Variants in WDFY1 observed in about 807,000 individuals in gnomAD.
WDFY1 encodes WD repeat and FYVE domain-containing protein 1.
A neutral mutation model predicts 56.4 loss-of-function variants in WDFY1; 32 were observed. That is an observed-to-expected ratio of 0.57 (90% CI 0.43 to 0.76). The LOEUF (loss-of-function observed/expected upper bound fraction) is 0.76. Among genes scored for constraint, WDFY1 ranks in the 30% least tolerant of loss-of-function variants. The pLI is 0.00. For synonymous variants in WDFY1, 192 were observed against 197.3 expected, an observed-to-expected ratio of 0.97 and a Z score of 0.23; for missense variants, 480 against 545.7, an observed-to-expected ratio of 0.88 and a Z score of 1.20.
intron 1 of WDFY1, among the ~76,000 whole-genome samples, chr2:223,936,590 C>T (rs1694172124): frequency 6.6e-6 from 1 of 152,120 alleles, no homozygotes; most frequent in African/African-American, 2.4e-5. Flanking sequence ...AAAGAGTTCC[C>T]ACAGCAGGCC....
chr2:223,901,411 A>C lies in WDFY1; in HGVS notation c.335-78T>G, dbSNP rs1574766042. 14 of 1,539,888 alleles carry C rather than the reference A, an allele frequency of 9.1e-6. No homozygotes were observed. In the East Asian group the frequency reaches 1.6e-4, roughly 18 times the overall value. ...GGGAAGAACTGAGGCTCAACCTCTC[A>C]ATCTGCTCAGCCAGGGCACAGCTGT... On this transcript the variant is annotated intron_variant, in intron 4 of 11. Transcript: ENST00000233055.
In WDFY1 at chr2:223,945,163, G is replaced by A. The variant is rs1418934920; in HGVS notation, c.122C>T (p.Thr41Met). 2.5e-6 allele frequency: 4 copies of A among 1,595,894 alleles called. No homozygotes were observed. The highest frequency in any genetic ancestry group is 2.3e-5 in the East Asian group (1 of 43,148). ...LLIPKEDGVI[T>M]ASEDRTIRVW... The stretch of plus-strand genomic sequence containing the variant: ...CGGGCCCTACCTGTCCTCGCTGGCC[G>A]TGATCACGCCGTCCTCCTTGGGGAT... The change falls in exon 1 of 12, where the codon ACG (threonine) becomes ATG (methionine). Residue 41 changes from threonine (T) to methionine (M), a missense_variant. Physicochemically the swap from Thr to Met is moderately conservative, Grantham distance 81. Transcript: ENST00000233055.
At chr2:223,934,034 C>T (rs1694126141) in intron 1 of WDFY1, among the ~76,000 whole-genome samples, 1 of 147,144 alleles carries the variant, frequency 6.8e-6, no homozygotes, top group African/African-American at 2.5e-5. Flanking sequence ...TTAAAGGAAT[C>T]ACAAAGAAGC....
chr2:223,909,562 T>C (rs1693657914), intron 3 of WDFY1, among the ~76,000 whole-genome samples: 1 of 152,108 alleles, frequency 6.6e-6, no homozygotes, highest in Non-Finnish European at 1.5e-5. Context: ...GGAAGCTCAC[T>C]GGTATCTTAA....
intron 7 of WDFY1, 122 bp downstream of exon 7, chr2:223,895,382 A>G: frequency 1.4e-6 from 2 of 1,439,188 alleles, no homozygotes; most frequent in African/African-American, 1.4e-5. Flanking sequence ...ACTGAGCCCT[A>G]TCAATGATAA....
chr2:223,905,358 C>T (rs1212132774), intron 4 of WDFY1, among the ~76,000 whole-genome samples: 3 of 151,996 alleles, frequency 2.0e-5, no homozygotes, highest in Non-Finnish European at 2.9e-5. Context: ...CTTAAATAAT[C>T]GGAATTATAG....
chr2:223,898,716 A>T (rs1444309914), intron 6 of WDFY1, among the ~76,000 whole-genome samples: 1 of 152,078 alleles, frequency 6.6e-6, no homozygotes, highest in Non-Finnish European at 1.5e-5. Flanking sequence ...AACTTAATTT[A>T]AAAAGGTAAG....
chr2:223,907,140 A>G lies in WDFY1; in HGVS notation c.280-1139T>C, dbSNP rs1693610348. 2.0e-5 allele frequency among the ~76,000 whole-genome samples: 3 copies of G among 151,450 alleles called. No individual in the cohort carries two copies. In the South Asian group the frequency reaches 6.3e-4, roughly 32 times the overall value. ...AAGGTGCATGCCACCACACCCGGCT[A>G]ATTTTTTTGTATTTTTAGTACAGAC... On this transcript the variant is annotated intron_variant, in intron 3 of 11. Coordinates refer to ENST00000233055, the MANE Select transcript of WDFY1 (RefSeq NM_020830.5).
rs148488913 is a variant in WDFY1 at position 223,930,189 on chromosome 2, C to T, written c.138-12179G>A. Reference sequence around the variant, plus strand: ...TAGATTTAGCCCAATCTAGCTACAGCGTGCGATATTGTATGTAAGTGCCTG... The same window carrying T: ...TAGATTTAGCCCAATCTAGCTACAGTGTGCGATATTGTATGTAAGTGCCTG... On this transcript the variant is annotated intron_variant, in intron 1 of 11. Coordinates refer to ENST00000233055, the MANE Select transcript of WDFY1 (RefSeq NM_020830.5). Among the ~76,000 whole-genome samples, 48 of 152,278 alleles carry T rather than the reference C, an allele frequency of 3.2e-4. No individual in the cohort carries two copies. The East Asian group carries it at 6.6e-3, about 21-fold the overall frequency.
In WDFY1 at chr2:223,878,669, G is replaced by C. The variant is rs1254232998; in HGVS notation, c.*2C>G. 4 of 1,613,006 alleles carry C rather than the reference G, an allele frequency of 2.5e-6. No individual in the cohort carries two copies. The highest frequency in any genetic ancestry group is 3.3e-5 in the Admixed American group (2 of 59,984). ...AGGTGTGGACGCCGCCCAGCTCTCA[G>C]ATCAGTGCGGAGAAAACCCAGTCGC... On this transcript the variant is annotated 3_prime_UTR_variant, in exon 12 of 12. Coordinates refer to ENST00000233055, the MANE Select transcript of WDFY1 (RefSeq NM_020830.5).
At chr2:223,914,611 T>C (rs191163339) in intron 2 of WDFY1, among the ~76,000 whole-genome samples, 5 of 152,198 alleles carry the variant, frequency 3.3e-5, no homozygotes, top group African/African-American at 9.7e-5. Context: ...CATAAAAAGT[T>C]TGTAGACCTA....
At chr2:223,941,785 G>A (rs754387282) in intron 1 of WDFY1, among the ~76,000 whole-genome samples, 1 of 152,116 alleles carries the variant, frequency 6.6e-6, no homozygotes, top group African/African-American at 2.4e-5. Flanking sequence ...CAATAAAAAA[G>A]CTTTTTCTAA....
intron 2 of WDFY1, among the ~76,000 whole-genome samples, chr2:223,914,075 C>T (rs1381216574): frequency 1.5e-5 from 2 of 134,686 alleles, no homozygotes; most frequent in East Asian, 2.2e-4. Context: ...CAGCTCACTG[C>T]AACCTCCGCC....
At chr2:223,897,114 T>C (rs577012520) in intron 6 of WDFY1, among the ~76,000 whole-genome samples, 123 of 152,206 alleles carry the variant, frequency 8.1e-4, no homozygotes, top group African/African-American at 2.7e-3. Context: ...ATAGATTACA[T>C]AGAAAGCATA....
chr2:223,893,353 C>CA (rs1693310512), intron 8 of WDFY1, among the ~76,000 whole-genome samples: 1 of 143,156 alleles, frequency 7.0e-6, no homozygotes. Flanking sequence ...CCTGTCTCTA[C>CA]CAAAAAAAAA....
chr2:223,905,414 G>A (rs573507084), intron 4 of WDFY1, among the ~76,000 whole-genome samples: 12 of 152,252 alleles, frequency 7.9e-5, no homozygotes, highest in African/African-American at 2.9e-4. Context: ...TAGCACTTTG[G>A]GAGACTGAGG....
chr2:223,926,646 ATGTGCGTG>A lies in WDFY1; in HGVS notation c.138-8644_138-8637del, dbSNP rs991978024. Reference sequence around the variant, plus strand: ...GTGTGTATTTCATATATATACAAATATGTGCGTGTGTGTGTGTGTGTGTGTGTATGTGT... The same window carrying A: ...GTGTGTATTTCATATATATACAAATATGTGTGTGTGTGTGTGTGTATGTGT... On this transcript the variant is annotated intron_variant, in intron 1 of 11. Coordinates refer to ENST00000233055, the MANE Select transcript of WDFY1 (RefSeq NM_020830.5). 4.1e-4 allele frequency among the ~76,000 whole-genome samples: 59 copies of A among 145,140 alleles called. 1 individual carries two copies. The highest frequency in any genetic ancestry group is 1.3e-4 in the Admixed American group (2 of 14,820).
intron 9 of WDFY1, among the ~76,000 whole-genome samples, chr2:223,883,966 A>T (rs1423012188): frequency 6.6e-6 from 1 of 152,086 alleles, no homozygotes; most frequent in Non-Finnish European, 1.5e-5. Context: ...ATTAACACAT[A>T]CAAACTTTAG....
rs376011173 is a variant in WDFY1, at chr2:223,895,581, T to C, written c.648A>G (p.Ser216=). ...WWDPIQRLLF[S]GASDNSIIMW... is the part of the protein sequence containing the mutation. ...TGATGATGCTGTTGTCAGATGCTCC[T>C]GAGAAGAGTAACCGCTGAATAGGGT... is the stretch of plus-strand genomic sequence containing the variant. The change falls in exon 7 of 12, where the codon TCA becomes TCG. Residue 216 remains serine (S), a synonymous_variant. Transcript: ENST00000233055. 3.3e-5 allele frequency: 53 copies of C among 1,613,964 alleles called. 1 individual carries two copies. In the South Asian group the frequency reaches 5.4e-4, roughly 16 times the overall value.
Sources: gnomAD v4.1 joint callset for allele counts (sites outside exome capture counted in the v4.1 genomes callset) on GRCh38, gnomAD v4.1.1 for gene constraint, MANE v1.5 for transcripts, NCBI Gene and HGNC (gene_info 2026-07-23, HGNC 2026-07-21) for gene names.